The following CRYZ variants were observed in gnomAD, a reference collection of about 807,000 sequenced individuals.
CRYZ encodes the protein zeta-crystallin.
In CRYZ, 35 loss-of-function variants were observed where a neutral mutation model predicts 34.1. That is an observed-to-expected ratio of 1.03 (90% CI 0.78 to 1.36). CRYZ has a LOEUF of 1.36. CRYZ is among the 40% of genes most tolerant of loss of function. The pLI is 0.00. For synonymous variants in CRYZ, 137 were observed against 136.5 expected, an observed-to-expected ratio of 1.00 and a Z score of -0.03; for missense variants, 403 against 391.8, an observed-to-expected ratio of 1.03 and a Z score of -0.24.
rs967967669 is a variant in CRYZ at position 74,723,242 on chromosome 1, A to G, written c.140T>C (p.Val47Ala). ...QVLIKVHACGVNPVETYIRSG... is the reference protein window; with the variant it reads ...QVLIKVHACGANPVETYIRSG... ...GCGAATGTATGTCTCCACGGGGTTG[A>G]CACCACATGCATGGACCTTGATTAG... The change falls in exon 3 of 9, where the codon GTC becomes GCC. Residue 47 changes from valine to alanine, a missense_variant. Physicochemically the swap from Val to Ala is moderately conservative, Grantham distance 64. Transcript: ENST00000340866. 1.9e-6 allele frequency: 3 copies of G among 1,613,506 alleles called. No individual in the cohort carries two copies. In the African/African-American group the frequency reaches 4.0e-5, roughly 22 times the overall value.
chr1:74,724,354 C>T (rs1394527835), intron 2 of CRYZ, among the ~76,000 whole-genome samples: 1 of 152,078 alleles, frequency 6.6e-6, no homozygotes, highest in Non-Finnish European at 1.5e-5. Flanking sequence ...AGCATGAATG[C>T]AAAAGAAAAT....
At chr1:74,724,690 A>G (rs1405920402) in intron 2 of CRYZ, 21 bp downstream of exon 2, 2 of 1,465,672 alleles carry the variant, frequency 1.4e-6, no homozygotes, top group East Asian at 2.3e-5. Context: ...TATAGCCTCA[A>G]TAAAGTAATT....
chr1:74,730,898 G>C (rs1230874763), intron 1 of CRYZ, among the ~76,000 whole-genome samples: 1 of 152,144 alleles, frequency 6.6e-6, no homozygotes, highest in Non-Finnish European at 1.5e-5. Flanking sequence ...CATCTGCTTA[G>C]AGTTTGAAAT....
intron 3 of CRYZ, among the ~76,000 whole-genome samples, chr1:74,722,826 G>T (rs937416400): frequency 5.9e-5 from 9 of 151,948 alleles, no homozygotes; most frequent in African/African-American, 2.2e-4. Flanking sequence ...TTCCTTGTGT[G>T]TTTTCTTTCC....
chr1:74,714,481 C>A, intron 5 of CRYZ, 98 bp downstream of exon 5: 1 of 1,180,974 alleles, frequency 8.5e-7, no homozygotes, highest in South Asian at 1.4e-5. Context: ...ACCTTTGACT[C>A]TATTTATAAA....
At position 74,729,790 on chromosome 1, in the gene CRYZ, C is replaced by T. The variant is rs1205260179; in HGVS notation, c.-14+3166G>A. 3.9e-5 allele frequency among the ~76,000 whole-genome samples: 6 copies of T among 152,238 alleles called. No individual in the cohort carries two copies. In the East Asian group the frequency reaches 5.8e-4, roughly 15 times the overall value. On this transcript the variant is annotated intron_variant, in intron 1 of 8. Transcript: ENST00000340866. The stretch of plus-strand genomic sequence containing the variant: ...AACAAGCTCTTATTCTCAAAGAATT[C>T]GGTCTAGAAGATGACTTAAACAAAA...
chr1:74,709,175 A>G (rs1646968961), intron 6 of CRYZ, among the ~76,000 whole-genome samples: 1 of 152,178 alleles, frequency 6.6e-6, no homozygotes, highest in African/African-American at 2.4e-5. Context: ...ATAAAGGTTA[A>G]GAGAATGTTT....
intron 6 of CRYZ, chr1:74,708,674 G>A (rs1335299697): frequency 1.3e-5 from 2 of 152,200 alleles, no homozygotes; most frequent in African/African-American, 4.8e-5. Context: ...TGTCTTGGGC[G>A]ACCAGATGAG....
chr1:74,709,718 T>C (rs1044376609), intron 6 of CRYZ, among the ~76,000 whole-genome samples: 1 of 152,226 alleles, frequency 6.6e-6, no homozygotes, highest in African/African-American at 2.4e-5. Context: ...AGATCCAGTT[T>C]GTAATTTACA....
chr1:74,733,002 C>G lies in CRYZ; in HGVS notation c.-60G>C, dbSNP rs1647934615. ...AAATCTGCGTGGGCTTCTTCAGATT[C>G]CACAGAAATGAGGACTGCCACACCT... is the stretch of plus-strand genomic sequence containing the variant. On this transcript the variant is annotated 5_prime_UTR_variant, in exon 1 of 9. Transcript: ENST00000340866. The G allele has an allele frequency of 1.9e-6, 1 of 526,294 alleles. No homozygotes were observed. The highest frequency in any genetic ancestry group is 3.3e-6 in the Non-Finnish European group (1 of 301,398). The allele number at this position is 526,294 out of a possible 1,614,324, so 32.6% of individuals were successfully genotyped here.
Position 74,728,627 on chromosome 1 carries a change from C to A in CRYZ, c.-13-3793G>T, listed in dbSNP as rs113618397. 1.9e-3 allele frequency among the ~76,000 whole-genome samples: 297 copies of A among 152,314 alleles called. 2 individuals are homozygous for A. The highest frequency in any genetic ancestry group is 6.9e-3 in the African/African-American group (285 of 41,570). ...AGGACTACTCAGAACAGAGCCCATA[C>A]AGGCTATAAAATGTCATTCCACATT... On this transcript the variant is annotated intron_variant, in intron 1 of 8. Transcript: ENST00000340866.
intron 3 of CRYZ, 72 bp from the exon 4 acceptor site, chr1:74,719,444 T>C (rs1338749948): frequency 2.9e-6 from 4 of 1,385,712 alleles, no homozygotes; most frequent in Non-Finnish European, 3.9e-6. Context: ...TAATCCTTTA[T>C]AACAAGAAAT....
intron 3 of CRYZ, among the ~76,000 whole-genome samples, chr1:74,720,843 C>A (rs780558971): frequency 1.3e-5 from 2 of 151,742 alleles, no homozygotes; most frequent in Non-Finnish European, 2.9e-5. Flanking sequence ...TACCACTGTC[C>A]CTAACCTCAA....
At chr1:74,708,650 A>G (rs1028164362) in intron 6 of CRYZ, 14 of 152,174 alleles carry the variant, frequency 9.2e-5, no homozygotes, top group African/African-American at 2.7e-4. Context: ...AAAAACAAAC[A>G]AAATGAGGGT....
In CRYZ at chr1:74,723,168, C is replaced by G; in HGVS notation, c.214G>C (p.Asp72His). 1 of 1,614,030 alleles carries G rather than the reference C, an allele frequency of 6.2e-7. No homozygotes were observed. The highest frequency in any genetic ancestry group is 1.7e-5 in the Admixed American group (1 of 59,956). Residue 72 changes from aspartate (D) to histidine (H), a missense_variant, in exon 3 of 9, where the codon GAT (aspartate) becomes CAT (histidine). Asp to His is a moderately conservative substitution (Grantham distance 81). Coordinates refer to ENST00000340866, the MANE Select transcript of CRYZ (RefSeq NM_001889.4). ...KPLLPYTPGSDVAGVIEAVGD... is the reference protein window; with the variant it reads ...KPLLPYTPGSHVAGVIEAVGD... ...ACAGCTTCTATCACCCCAGCCACAT[C>G]TGAGCCAGGAGTATAGGGTAAGAGT...
At chr1:74,722,593 C>CAT (rs71078199) in intron 3 of CRYZ, among the ~76,000 whole-genome samples, 84,251 of 148,500 alleles carry the variant, frequency 0.57, 25,427 homozygotes, top group Non-Finnish European at 0.7. Context: ...TGTCTTTGGG[C>CAT]ATATATATAT....
At chr1:74,718,032 G>A (rs1489149773) in intron 4 of CRYZ, among the ~76,000 whole-genome samples, 4 of 151,820 alleles carry the variant, frequency 2.6e-5, no homozygotes, top group African/African-American at 9.7e-5. Context: ...TCTCCATTAG[G>A]ATGTGTCTCT....
intron 1 of CRYZ, among the ~76,000 whole-genome samples, chr1:74,727,379 A>G (rs1243974541): frequency 6.8e-6 from 1 of 148,026 alleles, no homozygotes; most frequent in African/African-American, 2.5e-5. Flanking sequence ...GCATGTGCAG[A>G]GGAACTCCAC....
rs771995227 is a variant in CRYZ at position 74,710,091 on chromosome 1, A to T, written c.630+7T>A. 122 of 1,609,814 alleles carry T rather than the reference A, an allele frequency of 7.6e-5. No individual in the cohort carries two copies. The highest frequency in any genetic ancestry group is 9.8e-5 in the Non-Finnish European group (115 of 1,177,780). On this transcript the variant is annotated splice_region_variant and intron_variant, in intron 6 of 8. Transcript: ENST00000340866. ...TTTGACTTTTGTAAAACAGTGGAAA[A>T]TTTTACCTTAATTTTATCAATGTAA...
Sources: allele counts gnomAD v4.1 joint callset (sites outside exome capture counted in the v4.1 genomes callset), GRCh38; gene constraint gnomAD v4.1.1; transcripts MANE v1.5; gene names NCBI Gene and HGNC (gene_info 2026-07-23, HGNC 2026-07-21).